Variants in ERFE observed in about 807,000 individuals in gnomAD.
ERFE encodes erythroferrone, also known as complement C1q tumor necrosis factor-related protein 15.
In ERFE, 25 loss-of-function variants were observed where a neutral mutation model predicts 26.6. The observed-to-expected ratio is 0.94, with a 90% CI of 0.69 to 1.31. The LOEUF (loss-of-function observed/expected upper bound fraction) is 1.31, where lower values mean the gene tolerates loss of function less well. Among genes scored for constraint, ERFE ranks in the 40% most tolerant of loss-of-function variants. ERFE has a pLI of 0.00. For synonymous variants in ERFE, 206 were observed against 204.5 expected, an observed-to-expected ratio of 1.01 and a Z score of -0.06; for missense variants, 447 against 440.2, an observed-to-expected ratio of 1.02 and a Z score of -0.14.
At position 238,163,947 on chromosome 2, in the gene ERFE, G is replaced by A. The variant is rs769434018; in HGVS notation, c.635G>A (p.Arg212Gln). The change falls in exon 4 of 8, where the codon CGG (arginine) becomes CAG (glutamine). Residue 212 changes from arginine (R) to glutamine (Q), a missense_variant. Physicochemically the swap from Arg to Gln is conservative, Grantham distance 43. Coordinates refer to ENST00000546354, the MANE Select transcript of ERFE (RefSeq NM_001291832.2). ...VEAAFLCRLR[R>Q]DALVERRALH... ...GCCGCTTTCCTCTGCCGCCTGCGCC[G>A]GGACGCGTTGGTGGAGCGGCGCGCG... 2.0e-5 allele frequency: 28 copies of A among 1,375,040 alleles called. No individual in the cohort carries two copies. The highest frequency in any genetic ancestry group is 1.6e-4 in the East Asian group (5 of 32,250). The allele number at this position is 1,375,040 out of a possible 1,614,324, so 85.2% of individuals were successfully genotyped here. A position where few individuals can be genotyped will look rare whatever the true frequency, so the allele number is the denominator to read the frequency against.
Position 238,167,362 on chromosome 2 carries a change from G to T in ERFE, c.*308G>T. On this transcript the variant is annotated 3_prime_UTR_variant, in exon 8 of 8. Coordinates refer to ENST00000546354, the MANE Select transcript of ERFE (RefSeq NM_001291832.2). ...CTGCAGGCCGACTCTTTCCTGGCCT[G>T]CTCAGCACCTGCCCAGATGGCCTCT... 1 of 626,182 alleles carries T rather than the reference G, an allele frequency of 1.6e-6. No individual in the cohort carries two copies. Among genetic ancestry groups the T allele is most frequent in the South Asian group, 1.5e-5 (1 of 66,130 alleles). 38.8% of individuals were successfully genotyped at this position (626,182 alleles called of 1,614,324 possible).
In ERFE at chr2:238,167,562, C is replaced by T. The variant is rs1219792572; in HGVS notation, c.*508C>T. 1 of 405,204 alleles carries T rather than the reference C, an allele frequency of 2.5e-6. No homozygotes were observed. Among genetic ancestry groups the T allele is most frequent in the African/African-American group, 2.1e-5 (1 of 48,586 alleles). The allele number at this position is 405,204 out of a possible 1,614,324, so 25.1% of individuals were successfully genotyped here. A position where few individuals can be genotyped will look rare whatever the true frequency, so the allele number is the denominator to read the frequency against. ...ACTGCTTAGAAGGGACGGGGTCACT[C>T]ACCACTCCCCTGGTCTCCATCTGGG... On this transcript the variant is annotated 3_prime_UTR_variant, in exon 8 of 8. Coordinates refer to ENST00000546354, the MANE Select transcript of ERFE (RefSeq NM_001291832.2).
At position 238,163,783 on chromosome 2, in the gene ERFE, T is replaced by A; in HGVS notation, c.471T>A (p.Cys157Ter). The A allele has an allele frequency of 7.4e-7, 1 of 1,359,026 alleles. No individual in the cohort carries two copies. The highest frequency in any genetic ancestry group is 9.4e-7 in the Non-Finnish European group (1 of 1,060,338). The allele number at this position is 1,359,026 out of a possible 1,614,324, so 84.2% of individuals were successfully genotyped here. Residue 157 changes from cysteine (C) to a stop codon, truncating the protein, a stop_gained, in exon 4 of 8, where the codon TGT becomes TGA. Coordinates refer to ENST00000546354, the MANE Select transcript of ERFE (RefSeq NM_001291832.2). LOFTEE classifies it high-confidence loss of function. ...RERAEPEPCT[C>*]GPAGPVAASL... ...GCGCGGAGCCCGAACCCTGTACGTG[T>A]GGCCCCGCCGGGCCGGTCGCTGCGA...
At chr2:238,165,054 AGTC>A (rs1693013373) in intron 6 of ERFE, among the ~76,000 whole-genome samples, 1 of 151,966 alleles carries the variant, frequency 6.6e-6, no homozygotes, top group Non-Finnish European at 1.5e-5. Flanking sequence ...CCCCCTCCTC[AGTC>A]GCCCTCCCAC....
At chr2:238,162,399 C>T (rs564244222) in intron 2 of ERFE, among the ~76,000 whole-genome samples, 11 of 152,312 alleles carry the variant, frequency 7.2e-5, no homozygotes, top group African/African-American at 2.6e-4. Flanking sequence ...ATGGTGGACT[C>T]GGGCCCAGTG....
In ERFE at chr2:238,164,186, G is replaced by A; in HGVS notation, c.796+3G>A. 1 of 1,428,726 alleles carries A rather than the reference G, an allele frequency of 7.0e-7. No individual in the cohort carries two copies. The highest frequency in any genetic ancestry group is 9.1e-7 in the Non-Finnish European group (1 of 1,100,090). 88.5% of individuals were successfully genotyped at this position (1,428,726 alleles called of 1,614,324 possible). A position where few individuals can be genotyped will look rare whatever the true frequency, so the allele number is the denominator to read the frequency against. ...TCTCGCCGCCACGCTGCACGTGGGT[G>A]AGGCCCGGGGCGTGGGAGGATCGCC... On this transcript the variant is annotated splice_donor_region_variant and intron_variant, in intron 5 of 7. Coordinates refer to ENST00000546354, the MANE Select transcript of ERFE (RefSeq NM_001291832.2).
Position 238,163,863 on chromosome 2 carries a change from A to T in ERFE, c.551A>T (p.Asp184Val). ...AGEDDDDVVG[D>V]VLALLAAPLA... The stretch of plus-strand genomic sequence containing the variant: ...GAGGACGACGACGACGTGGTGGGGG[A>T]CGTGCTGGCACTGCTGGCCGCGCCC... Residue 184 changes from aspartate to valine, a missense_variant, in exon 4 of 8, where the codon GAC (aspartate) becomes GTC (valine). Transcript: ENST00000546354. 7.6e-7 allele frequency: 1 copy of T among 1,314,096 alleles called. No homozygotes were observed. Among genetic ancestry groups the T allele is most frequent in the Non-Finnish European group, 9.6e-7 (1 of 1,039,006 alleles). 81.4% of individuals were successfully genotyped at this position (1,314,096 alleles called of 1,614,324 possible). A position where few individuals can be genotyped will look rare whatever the true frequency, so the allele number is the denominator to read the frequency against.
Position 238,167,288 on chromosome 2 carries a change from T to A in ERFE, c.*234T>A. On this transcript the variant is annotated 3_prime_UTR_variant, in exon 8 of 8. Coordinates refer to ENST00000546354, the MANE Select transcript of ERFE (RefSeq NM_001291832.2). ...TTCAGGACACCATCTTGGGCTCTTA[T>A]CCAGGAAAGAAAGAGTCGGCGTGCC... 3 of 700,596 alleles carry A rather than the reference T, an allele frequency of 4.3e-6. No individual in the cohort carries two copies. Among genetic ancestry groups the A allele is most frequent in the Non-Finnish European group, 7.8e-6 (3 of 384,640 alleles). The allele number at this position is 700,596 out of a possible 1,614,324, so 43.4% of individuals were successfully genotyped here. A position where few individuals can be genotyped will look rare whatever the true frequency, so the allele number is the denominator to read the frequency against.
chr2:238,160,964 A>T (rs1692929254), intron 1 of ERFE, among the ~76,000 whole-genome samples: 1 of 152,214 alleles, frequency 6.6e-6, no homozygotes, highest in Non-Finnish European at 1.5e-5. Context: ...TTCCGGAAGC[A>T]TCACTGTCCA....
At chr2:238,159,393 G>GC (rs1313499542) in intron 1 of ERFE, among the ~76,000 whole-genome samples, 188 bp downstream of exon 1, 1 of 152,090 alleles carries the variant, frequency 6.6e-6, no homozygotes, top group Non-Finnish European at 1.5e-5. Context: ...CGGCGGGGCA[G>GC]CCTTGACTTT....
chr2:238,161,192 G>T (rs1338167949), intron 1 of ERFE, among the ~76,000 whole-genome samples: 1 of 152,200 alleles, frequency 6.6e-6, no homozygotes. Context: ...TTCTTCCTGA[G>T]CACCTATGGG....
chr2:238,161,884 TAGG>T (rs889925365), intron 2 of ERFE, among the ~76,000 whole-genome samples, 168 bp downstream of exon 2: 16 of 152,182 alleles, frequency 1.1e-4, no homozygotes, highest in Admixed American at 2.0e-4. Flanking sequence ...AGCCCCGAGT[TAGG>T]GGCCTGGTCC....
Position 238,162,001 on chromosome 2 carries a change from T to C in ERFE, c.321+285T>C, listed in dbSNP as rs552276153. On this transcript the variant is annotated intron_variant, in intron 2 of 7. Transcript: ENST00000546354. The stretch of plus-strand genomic sequence containing the variant: ...GCTAGCCCAGGCTGTGGTGAGAACC[T>C]TGTCCACACTGGAGGGGCCTGCAGG... Among the ~76,000 whole-genome samples the C allele has an allele frequency of 2.4e-4, 36 of 152,310 alleles. No homozygotes were observed. In the South Asian group the frequency reaches 6.6e-3, roughly 28 times the overall value.
chr2:238,163,550 A>G, intron 3 of ERFE, 187 bp from the exon 4 acceptor site: 1 of 697,234 alleles, frequency 1.4e-6, no homozygotes, highest in Non-Finnish European at 2.0e-6. Context: ...CTTGAGGGAA[A>G]CGGGAGCCGC....
Position 238,164,264 on chromosome 2 carries a change from C to G in ERFE, c.797-6C>G. ...CCGCTTGACCACGTCCCACCCTCCC[C>G]CGCAGCGCTCGGGGAGCCGCCGAGG... On this transcript the variant is annotated splice_region_variant and splice_polypyrimidine_tract_variant and intron_variant, in intron 5 of 7. Coordinates refer to ENST00000546354, the MANE Select transcript of ERFE (RefSeq NM_001291832.2). 1 of 1,502,806 alleles carries G rather than the reference C, an allele frequency of 6.7e-7. No homozygotes were observed. 93.1% of individuals were successfully genotyped at this position (1,502,806 alleles called of 1,614,324 possible).
At position 238,163,964 on chromosome 2, in the gene ERFE, C is replaced by A; in HGVS notation, c.652C>A (p.Arg218=). The change falls in exon 4 of 8, where the codon CGG becomes AGG. Residue 218 remains arginine, a synonymous_variant. Transcript: ENST00000546354. ...CRLRRDALVE[R]RALHELGVYY... ...CCTGCGCCGGGACGCGTTGGTGGAG[C>A]GGCGCGCGCTGCACGAGCTTGGCGT... 1 of 1,382,438 alleles carries A rather than the reference C, an allele frequency of 7.2e-7. No individual in the cohort carries two copies. Among genetic ancestry groups the A allele is most frequent in the Non-Finnish European group, 9.3e-7 (1 of 1,074,622 alleles). The allele number at this position is 1,382,438 out of a possible 1,614,324, so 85.6% of individuals were successfully genotyped here.
rs892908116 is a variant in ERFE at position 238,161,603 on chromosome 2, G to A, written c.208G>A (p.Ala70Thr). 39 of 1,532,900 alleles carry A rather than the reference G, an allele frequency of 2.5e-5. No individual in the cohort carries two copies. Among genetic ancestry groups the A allele is most frequent in the African/African-American group, 4.1e-5 (3 of 72,764 alleles). The allele number at this position is 1,532,900 out of a possible 1,614,324, so 95.0% of individuals were successfully genotyped here. A position where few individuals can be genotyped will look rare whatever the true frequency, so the allele number is the denominator to read the frequency against. The change falls in exon 2 of 8, where the codon GCT becomes ACT. Residue 70 changes from alanine (A) to threonine (T), a missense_variant. Physicochemically the swap from Ala to Thr is moderately conservative, Grantham distance 58. Transcript: ENST00000546354. Reference protein sequence around the residue: ...GPAARPPEPTAERAHSVDPRD... With the variant: ...GPAARPPEPTTERAHSVDPRD... Reference sequence around the variant, plus strand: ...GCTGGCTGTGTTCCAGGAGCCCACCGCTGAGCGTGCACACAGCGTCGACCC... The same window carrying A: ...GCTGGCTGTGTTCCAGGAGCCCACCACTGAGCGTGCACACAGCGTCGACCC...
At chr2:238,165,817 G>A in intron 7 of ERFE, 133 bp downstream of exon 7, 1 of 789,840 alleles carries the variant, frequency 1.3e-6, no homozygotes. Context: ...AGGCCTGGGA[G>A]AGGGTCCAGG....
intron 3 of ERFE, 171 bp from the exon 4 acceptor site, chr2:238,163,566 G>A (rs1039531334): frequency 2.5e-6 from 2 of 796,338 alleles, no homozygotes; most frequent in African/African-American, 3.6e-5. Context: ...GCCGCTGCAG[G>A]GTCAGGACGC....
Sources: allele counts gnomAD v4.1 joint callset (sites outside exome capture counted in the v4.1 genomes callset), GRCh38; gene constraint gnomAD v4.1.1; transcripts MANE v1.5; gene names NCBI Gene and HGNC (gene_info 2026-07-23, HGNC 2026-07-21).